The following SIPA1L3 variants were observed in gnomAD, a reference collection of about 807,000 sequenced individuals.
The protein encoded by SIPA1L3 is signal-induced proliferation-associated 1-like protein 3.
In SIPA1L3, 59 loss-of-function variants were observed where a neutral mutation model predicts 150.1. That is an observed-to-expected ratio of 0.39 (90% CI 0.32 to 0.49). SIPA1L3 has a LOEUF of 0.49. Among genes scored for constraint, SIPA1L3 ranks in the 20% least tolerant of loss-of-function variants. The pLI, the probability that SIPA1L3 is intolerant of heterozygous loss-of-function variation, is 0.86. For missense variants in SIPA1L3, 2,211 were observed against 2,489.5 expected, an observed-to-expected ratio of 0.89 and a Z score of 2.38; for synonymous variants, 1,070 against 1,077.6, an observed-to-expected ratio of 0.99 and a Z score of 0.14.
chr19:37,962,463 CT>C (rs71177491), intron 1 of SIPA1L3, among the ~76,000 whole-genome samples: 13,399 of 72,594 alleles, frequency 0.18, 728 homozygotes, highest in African/African-American at 0.31. Context: ...TGCAGCCGGC[CT>C]TTTTTTTTTT....
At chr19:37,921,715 C>A (rs2046459242) in intron 1 of SIPA1L3, among the ~76,000 whole-genome samples, 1 of 152,084 alleles carries the variant, frequency 6.6e-6, no homozygotes, top group South Asian at 2.1e-4. Flanking sequence ...ATCCTCCCAC[C>A]TCAGCCTCCC....
At chr19:38,072,992 G>A (rs1622409) in intron 2 of SIPA1L3, among the ~76,000 whole-genome samples, 24,435 of 152,190 alleles carry the variant, frequency 0.16, 2,094 homozygotes, top group African/African-American at 0.22. Flanking sequence ...AGACCCTGAT[G>A]CGTCCCCACT....
At chr19:37,998,551 G>T (rs2145650873) in intron 1 of SIPA1L3, among the ~76,000 whole-genome samples, 1 of 152,344 alleles carries the variant, frequency 6.6e-6, no homozygotes, top group East Asian at 1.9e-4. Context: ...GGAGACCAAG[G>T]TGGGAGGATT....
At chr19:38,192,361 CCAGATCTGGGCAGG>C (rs1972824106) in intron 17 of SIPA1L3, 51 bp downstream of exon 17, 2 of 1,510,084 alleles carry the variant, frequency 1.3e-6, no homozygotes, top group African/African-American at 2.8e-5. Context: ...CAAGGGGATC[CCAGATCTGGGCAGG>C]CAAGGAGAAG....
At chr19:37,947,562 C>T (rs1248863353) in intron 1 of SIPA1L3, among the ~76,000 whole-genome samples, 1 of 152,032 alleles carries the variant, frequency 6.6e-6, no homozygotes, top group Non-Finnish European at 1.5e-5. Flanking sequence ...ACTAAATAAT[C>T]CGTTCTTTCC....
chr19:38,136,850 T>C (rs1251264722), intron 10 of SIPA1L3, among the ~76,000 whole-genome samples: 1 of 152,200 alleles, frequency 6.6e-6, no homozygotes, highest in Non-Finnish European at 1.5e-5. Flanking sequence ...CAGAATCTTT[T>C]CCAGAGCCCC....
At chr19:38,120,382 G>A (rs545675802) in intron 9 of SIPA1L3, among the ~76,000 whole-genome samples, 1 of 152,206 alleles carries the variant, frequency 6.6e-6, no homozygotes, top group African/African-American at 2.4e-5. Context: ...TGAGGTGGGA[G>A]GATTGTTTGA....
chr19:38,070,191 C>CCTAT (rs10546386), intron 2 of SIPA1L3, among the ~76,000 whole-genome samples: 4,837 of 148,822 alleles, frequency 0.033, 109 homozygotes, highest in East Asian at 0.053. Flanking sequence ...GATCTTCAGT[C>CCTAT]CTATCTATCT....
chr19:38,124,490 C>T (rs570191963), intron 9 of SIPA1L3, among the ~76,000 whole-genome samples: 57 of 151,272 alleles, frequency 3.8e-4, no homozygotes, highest in East Asian at 1.4e-3. Flanking sequence ...GGATGGCAGC[C>T]GGGCAGAGAC....
chr19:37,992,998 C>G (rs1417880780), intron 1 of SIPA1L3, among the ~76,000 whole-genome samples: 1 of 152,216 alleles, frequency 6.6e-6, no homozygotes, highest in Non-Finnish European at 1.5e-5. Context: ...GATCCTCAGA[C>G]TCGCTGGGTC....
chr19:38,164,369 T>A lies in SIPA1L3; in HGVS notation c.3781-110T>A. The stretch of plus-strand genomic sequence containing the variant: ...CGGCCAGTAGATGAGAAGCCAGGAT[T>A]TGAAGCTGTCTGGTCCCAGGGTTCA... On this transcript the variant is annotated intron_variant, in intron 14 of 21. Transcript: ENST00000222345. The surrounding 1 kb of genome is among the most constrained non-coding windows in gnomAD (Gnocchi z 4.1). 9.8e-7 allele frequency: 1 copy of A among 1,023,880 alleles called. No individual in the cohort carries two copies. The highest frequency in any genetic ancestry group is 1.5e-6 in the Non-Finnish European group (1 of 688,772). The allele number at this position is 1,023,880 out of a possible 1,614,324, so 63.4% of individuals were successfully genotyped here. A position where few individuals can be genotyped will look rare whatever the true frequency, so the allele number is the denominator to read the frequency against.
chr19:38,171,380 CA>C (rs1265149455), intron 15 of SIPA1L3, among the ~76,000 whole-genome samples: 3 of 123,450 alleles, frequency 2.4e-5, no homozygotes, highest in Admixed American at 8.4e-5. Flanking sequence ...ATCCCCCTAC[CA>C]AAACTTTTTT....
intron 16 of SIPA1L3, among the ~76,000 whole-genome samples, chr19:38,187,440 G>A (rs1272775276): frequency 6.7e-6 from 1 of 149,516 alleles, no homozygotes; most frequent in African/African-American, 2.5e-5. Flanking sequence ...CAACAAGAGT[G>A]AAACTCTTTC....
rs577733382 is a variant in SIPA1L3, at chr19:37,941,050, G to A, written c.-379+33692G>A. Among the ~76,000 whole-genome samples, 9 of 149,498 alleles carry A rather than the reference G, an allele frequency of 6.0e-5. No homozygotes were observed. The East Asian group carries it at 1.6e-3, about 27-fold the overall frequency. ...ATGAATCATTGGATTTGCAGAGTAG[G>A]TGAATTTCAGGTTTGAGATGTACAC... On this transcript the variant is annotated intron_variant, in intron 1 of 21. Transcript: ENST00000222345.
At chr19:37,981,009 G>T (rs780945312) in intron 1 of SIPA1L3, among the ~76,000 whole-genome samples, 81 of 152,202 alleles carry the variant, frequency 5.3e-4, no homozygotes, top group Non-Finnish European at 9.3e-4. Flanking sequence ...GCTTTGTTTG[G>T]AGGGTAATGC....
At chr19:38,200,476 G>A (rs1055684925) in intron 19 of SIPA1L3, 6 of 152,158 alleles carry the variant, frequency 3.9e-5, no homozygotes, top group African/African-American at 2.4e-5. Context: ...TAATGGACTC[G>A]GGTTTGTGAA....
chr19:38,178,086 G>GGTGTGTGTGTGT (rs765404105), intron 15 of SIPA1L3, among the ~76,000 whole-genome samples: 26 of 131,010 alleles, frequency 2.0e-4, no homozygotes, highest in East Asian at 4.5e-4. Context: ...GCAGGCTTTT[G>GGTGTGTGTGTGT]GTGTGTGTGT....
At chr19:37,949,711 C>T (rs1008463514) in intron 1 of SIPA1L3, among the ~76,000 whole-genome samples, 1 of 151,838 alleles carries the variant, frequency 6.6e-6, no homozygotes, top group Admixed American at 6.6e-5. Context: ...CTGAAAGACC[C>T]ACTCCCCTGC....
chr19:38,080,043 G>A (rs1457102363), intron 2 of SIPA1L3, among the ~76,000 whole-genome samples: 3 of 152,202 alleles, frequency 2.0e-5, no homozygotes, highest in African/African-American at 4.8e-5. Context: ...TGGAGCAGGG[G>A]AAGGAGTTTG....
Sources: gnomAD v4.1 joint callset for allele counts (sites outside exome capture counted in the v4.1 genomes callset) on GRCh38, gnomAD v4.1.1 for gene constraint, Gnocchi (gnomAD v3.1) non-coding constraint, MANE v1.5 for transcripts, NCBI Gene and HGNC (gene_info 2026-07-23, HGNC 2026-07-21) for gene names.